Variants in SHANK2 observed in about 807,000 individuals in gnomAD.
SHANK2 encodes SH3 and multiple ankyrin repeat domains protein 2.
SHANK2 carries 43 observed loss-of-function variants against 133.7 expected under a neutral mutation model. The observed-to-expected ratio is 0.32, with a 90% CI of 0.25 to 0.41. The LOEUF (loss-of-function observed/expected upper bound fraction) is 0.41. SHANK2 is among the 10% of genes least tolerant of loss of function. The pLI is 1.00. For missense variants in SHANK2, 1,994 were observed against 2,235.8 expected, an observed-to-expected ratio of 0.89 and a Z score of 2.18; for synonymous variants, 1,017 against 952.8, an observed-to-expected ratio of 1.07 and a Z score of -1.24.
At chr11:70,679,730 T>C (rs1565236145) in intron 15 of SHANK2, among the ~76,000 whole-genome samples, 1 of 152,214 alleles carries the variant, frequency 6.6e-6, no homozygotes, top group Non-Finnish European at 1.5e-5. Context: ...TGGGGTATCA[T>C]GAGGATGTCT....
chr11:70,641,879 G>A (rs1236520529), intron 17 of SHANK2, among the ~76,000 whole-genome samples: 1 of 152,166 alleles, frequency 6.6e-6, no homozygotes, highest in Non-Finnish European at 1.5e-5. Context: ...CAGCGGGCAG[G>A]CAAGCCCCTG....
chr11:70,653,567 C>CAAAAAAAAAA (rs1157982312), intron 17 of SHANK2, among the ~76,000 whole-genome samples: 103 of 61,342 alleles, frequency 1.7e-3, no homozygotes, highest in Non-Finnish European at 2.1e-3. Flanking sequence ...CTCAGCCTTC[C>CAAAAAAAAAA]AAAAAAAAAA....
rs1338896903 is a variant in SHANK2, at chr11:71,083,985, G to GC, written c.912+8436_912+8437insG. Among the ~76,000 whole-genome samples, 224 of 149,832 alleles carry GC rather than the reference G, an allele frequency of 1.5e-3. 1 individual carries two copies. The highest frequency in any genetic ancestry group is 3.7e-3 in the Admixed American group (56 of 15,058). ...TTGAATAACAACTTTTTTTTGGGGG[G>GC]GGGAGACAGAGTCTTGCTCTGTCTC... On this transcript the variant is annotated intron_variant, in intron 8 of 25. Coordinates refer to ENST00000601538, the MANE Select transcript of SHANK2 (RefSeq NM_012309.5).
intron 2 of SHANK2, among the ~76,000 whole-genome samples, chr11:71,167,480 T>G (rs1470285720): frequency 7.8e-6 from 1 of 128,718 alleles, no homozygotes; most frequent in Non-Finnish European, 1.6e-5. Context: ...CACTTCCCAG[T>G]AGGGGCGGCC....
intron 10 of SHANK2, among the ~76,000 whole-genome samples, chr11:70,933,899 C>CAAAAAAA (rs35735097): frequency 8.1e-6 from 1 of 123,916 alleles, no homozygotes. Context: ...GACTGTGTCT[C>CAAAAAAA]AAAAAAAAAA....
chr11:70,928,038 T>C (rs1300403835), intron 10 of SHANK2, among the ~76,000 whole-genome samples: 10 of 152,236 alleles, frequency 6.6e-5, no homozygotes, highest in African/African-American at 2.2e-4. Context: ...TTATAATAAA[T>C]CTCTCCTCAT....
At chr11:70,698,848 C>T in intron 14 of SHANK2, 85 bp from the exon 15 acceptor site, 1 of 714,644 alleles carries the variant, frequency 1.4e-6, no homozygotes, top group Non-Finnish European at 2.6e-6. Flanking sequence ...CTGGTGGGCC[C>T]TCTCACCTAC....
intron 6 of SHANK2, among the ~76,000 whole-genome samples, chr11:71,099,508 T>G (rs180828390): frequency 2.8e-4 from 43 of 152,310 alleles, no homozygotes; most frequent in African/African-American, 1.0e-3. Context: ...TCCTGGCTAT[T>G]GTGCGGGTTA....
At position 70,469,464 on chromosome 11, in the gene SHANK2, T is replaced by G. The variant is rs1357435860; in HGVS notation, c.*3405A>C. ...CAATAGTATATTTATTTTTTTACAG[T>G]AATTTTGGTTGCCATACAAGAGATT... is the stretch of plus-strand genomic sequence containing the variant. On this transcript the variant is annotated 3_prime_UTR_variant, in exon 26 of 26. Transcript: ENST00000601538. The G allele has an allele frequency of 6.6e-6, 1 of 152,232 alleles. No homozygotes were observed. The highest frequency in any genetic ancestry group is 2.4e-5 in the African/African-American group (1 of 41,360). 9.4% of individuals were successfully genotyped at this position (152,232 alleles called of 1,614,324 possible). A position where few individuals can be genotyped will look rare whatever the true frequency, so the allele number is the denominator to read the frequency against.
At chr11:70,864,886 TATG>T (rs2135517369) in intron 11 of SHANK2, 1 of 152,178 alleles carries the variant, frequency 6.6e-6, no homozygotes, top group South Asian at 2.1e-4. Context: ...ATTAGCCAGG[TATG>T]GTGGTGCACA....
Position 70,487,076 on chromosome 11 carries a change from T to A in SHANK2, c.3217A>T (p.Thr1073Ser), listed in dbSNP as rs782351220. 1.9e-6 allele frequency: 3 copies of A among 1,609,546 alleles called. No individual in the cohort carries two copies. Among genetic ancestry groups the A allele is most frequent in the Non-Finnish European group, 1.7e-6 (2 of 1,179,834 alleles). Residue 1073 changes from threonine to serine, a missense_variant, in exon 25 of 26, where the codon ACC (threonine) becomes TCC (serine). Thr to Ser is a moderately conservative substitution (Grantham distance 58, BLOSUM62 1). Around this residue, in one of 5 missense-constraint regions of SHANK2, gnomAD observed 488 missense variants for 642.6 expected, o/e 0.76. Coordinates refer to ENST00000601538, the MANE Select transcript of SHANK2 (RefSeq NM_012309.5). This position sits in a 1 kb window ranked among gnomAD's most constrained non-coding sequence, Gnocchi z 5.8. ...PSQLRPDESL[T>S]VSSPFAAAIA... Reference sequence around the variant, plus strand: ...GCGGCGGCAAAGGGGCTGCTGACGGTCAGGCTTTCGTCAGGCCGCAGCTGG... The same window carrying A: ...GCGGCGGCAAAGGGGCTGCTGACGGACAGGCTTTCGTCAGGCCGCAGCTGG...
At chr11:70,737,911 G>A (rs1248536537) in intron 14 of SHANK2, among the ~76,000 whole-genome samples, 1 of 152,244 alleles carries the variant, frequency 6.6e-6, no homozygotes, top group African/African-American at 2.4e-5. Context: ...GGGTGAGCAT[G>A]TGTGACAATG....
chr11:70,549,319 C>T (rs1389311512), intron 17 of SHANK2, among the ~76,000 whole-genome samples: 4 of 152,160 alleles, frequency 2.6e-5, no homozygotes, highest in African/African-American at 4.8e-5. Flanking sequence ...GGATGAGGTG[C>T]GGGTCATTTC....
intron 17 of SHANK2, among the ~76,000 whole-genome samples, chr11:70,564,226 C>T (rs1439621078): frequency 1.3e-5 from 2 of 151,628 alleles, no homozygotes; most frequent in Non-Finnish European, 2.9e-5. Flanking sequence ...GAAAAAGTTC[C>T]CTCATTATTT....
chr11:70,938,237 G>A (rs1302397592), intron 10 of SHANK2, among the ~76,000 whole-genome samples: 2 of 152,154 alleles, frequency 1.3e-5, no homozygotes, highest in Non-Finnish European at 2.9e-5. Flanking sequence ...CTGTATGTGT[G>A]GGTGTGGTGG....
At chr11:71,210,256 A>ATTTATTTG (rs1954244008) in intron 2 of SHANK2, among the ~76,000 whole-genome samples, 1 of 111,140 alleles carries the variant, frequency 9.0e-6, no homozygotes, top group Non-Finnish European at 1.8e-5. Context: ...ATATATATTT[A>ATTTATTTG]TTTATTTTTT....
intron 17 of SHANK2, among the ~76,000 whole-genome samples, chr11:70,538,566 G>T (rs1308003453): frequency 3.9e-5 from 6 of 152,246 alleles, no homozygotes; most frequent in African/African-American, 1.4e-4. Flanking sequence ...TCAGAGTAAA[G>T]CTCTGGTCAG....
At chr11:70,663,400 C>T (rs1293073044) in intron 15 of SHANK2, among the ~76,000 whole-genome samples, 3 of 152,212 alleles carry the variant, frequency 2.0e-5, no homozygotes, top group Admixed American at 6.5e-5. Context: ...GGACGAGCAG[C>T]GGCCCCTCGA....
intron 1 of SHANK2, among the ~76,000 whole-genome samples, chr11:71,251,753 C>T (rs1423069567): frequency 6.6e-6 from 1 of 150,828 alleles, no homozygotes; most frequent in Non-Finnish European, 1.5e-5. Context: ...CCCCCGGGAC[C>T]TGGGCGCCCG....
Sources: allele counts gnomAD v4.1 joint callset (sites outside exome capture counted in the v4.1 genomes callset), GRCh38; gene constraint gnomAD v4.1.1; regional missense constraint gnomAD v4.1.1; non-coding constraint Gnocchi (gnomAD v3.1); transcripts MANE v1.5; gene names NCBI Gene and HGNC (gene_info 2026-07-23, HGNC 2026-07-21).